IGF2R: variants seen among roughly 807,000 people sequenced by gnomAD.
IGF2R encodes the protein cation-independent mannose-6-phosphate receptor.
In IGF2R, 91 loss-of-function variants were observed where a neutral mutation model predicts 270.6. The observed-to-expected ratio is 0.34, with a 90% CI of 0.28 to 0.40. The LOEUF is 0.40. Among genes scored for constraint, IGF2R ranks in the 10% least tolerant of loss-of-function variants. The pLI is 1.00. For synonymous variants in IGF2R, 1,316 were observed against 1,258.9 expected (o/e 1.05, Z -0.96); for missense variants, 2,805 against 3,188.3 (o/e 0.88, Z 2.90).
At chr6:160,082,402 T>G (rs1168585119) in intron 39 of IGF2R, among the ~76,000 whole-genome samples, 2 of 151,952 alleles carry the variant, frequency 1.3e-5, no homozygotes, top group Non-Finnish European at 2.9e-5. Flanking sequence ...CTCCACCTTC[T>G]GGTTTCAAGT....
rs1018194928 is a variant in IGF2R at position 160,032,560 on chromosome 6, C to T, written c.892C>T (p.Pro298Ser). The T allele has an allele frequency of 3.7e-6, 6 of 1,613,702 alleles. No homozygotes were observed. The African/African-American group carries it at 8.0e-5, about 22-fold the overall frequency. The change falls in exon 8 of 48, where the codon CCC (proline) becomes TCC (serine). Residue 298 changes from proline (P) to serine (S), a missense_variant. This residue lies in a region of IGF2R where 954 missense variants were observed against 981.1 expected (regional missense o/e 0.97). Coordinates refer to ENST00000356956, the MANE Select transcript of IGF2R (RefSeq NM_000876.4). ...ACATTGTTCCTGATAGGGCACCATTCCCAAACTCACAGCTAAATCCAACTG... is the reference window on the plus strand; with the variant it reads ...ACATTGTTCCTGATAGGGCACCATTTCCAAACTCACAGCTAAATCCAACTG... ...CPSERREGTI[P>S]KLTAKSNCRY... is the part of the protein sequence containing the mutation.
chr6:160,045,753 G>C lies in IGF2R; in HGVS notation c.1774G>C (p.Glu592Gln). The C allele has an allele frequency of 6.2e-7, 1 of 1,614,152 alleles. No homozygotes were observed. Reference protein sequence around the residue: ...ITLVCKPGDLESAPVLRTSGE... With the variant: ...ITLVCKPGDLQSAPVLRTSGE... ...CTTTTCCCCATTGACAGGTGATCTG[G>C]AAAGTGCACCAGTGTTGAGAACTTC... The change falls in exon 14 of 48, where the codon GAA becomes CAA. Residue 592 changes from glutamate (E) to glutamine (Q), a missense_variant. This residue lies in a region of IGF2R where 954 missense variants were observed against 981.1 expected (regional missense o/e 0.97). Transcript: ENST00000356956.
intron 1 of IGF2R, among the ~76,000 whole-genome samples, chr6:159,989,438 T>C (rs1783943439): frequency 6.6e-6 from 1 of 152,130 alleles, no homozygotes; most frequent in Non-Finnish European, 1.5e-5. Flanking sequence ...GAGTACTGCA[T>C]AGGGTGAATA....
chr6:160,022,884 G>A (rs1390787688), intron 4 of IGF2R, among the ~76,000 whole-genome samples: 3 of 151,778 alleles, frequency 2.0e-5, no homozygotes, highest in Non-Finnish European at 4.4e-5. Flanking sequence ...TGTATATTTG[G>A]GTAAGCACAT....
rs565255337 is a variant in IGF2R at position 160,080,846 on chromosome 6, G to A, written c.5833+571G>A. On this transcript the variant is annotated intron_variant, in intron 39 of 47. Coordinates refer to ENST00000356956, the MANE Select transcript of IGF2R (RefSeq NM_000876.4). The stretch of plus-strand genomic sequence containing the variant: ...AAATTACTAATTTTTGGCCAGGCGC[G>A]GTGGCTCACGCCTGTAATCCCAGCA... Among the ~76,000 whole-genome samples, 98 of 152,152 alleles carry A rather than the reference G, an allele frequency of 6.4e-4. 1 individual carries two copies. Among genetic ancestry groups the A allele is most frequent in the Non-Finnish European group, 1.2e-3 (79 of 67,998 alleles).
At chr6:160,048,257 G>C in intron 17 of IGF2R, 118 bp from the exon 18 acceptor site, 2 of 963,668 alleles carry the variant, frequency 2.1e-6, no homozygotes, top group Admixed American at 2.1e-5. Flanking sequence ...ACTCCTGGTA[G>C]TGTGATTGGT....
At position 160,010,404 on chromosome 6, in the gene IGF2R, A is replaced by T. The variant is rs8191740; in HGVS notation, c.415-283A>T. 8.8e-3 allele frequency: 2,346 copies of T among 266,796 alleles called. 55 individuals are homozygous for T. The highest frequency in any genetic ancestry group is 0.048 in the African/African-American group (2,166 of 45,238). 16.5% of individuals were successfully genotyped at this position (266,796 alleles called of 1,614,324 possible). ...GAGTTTGAGAGGAGAATGACTGAGG[A>T]TTTCTTCCCATGAACTCACTCAATG... On this transcript the variant is annotated intron_variant, in intron 3 of 47. Transcript: ENST00000356956.
intron 44 of IGF2R, among the ~76,000 whole-genome samples, chr6:160,091,815 A>T (rs143270136): frequency 0.015 from 2,220 of 152,350 alleles, 167 homozygotes; most frequent in Admixed American, 0.12. Flanking sequence ...GGGCCCTATC[A>T]TGCAGAGAAG....
intron 7 of IGF2R, among the ~76,000 whole-genome samples, chr6:160,030,194 T>G (rs1203798017): frequency 2.0e-5 from 3 of 152,212 alleles, no homozygotes; most frequent in Admixed American, 6.5e-5. Flanking sequence ...GTGTGGCTGC[T>G]GAGACTTACT....
intron 1 of IGF2R, 81 bp downstream of exon 1, chr6:159,969,476 G>A: frequency 9.7e-6 from 10 of 1,035,202 alleles, no homozygotes; most frequent in Non-Finnish European, 1.2e-5. Context: ...AGCGCTCGAG[G>A]AGCTCCTGGG....
At chr6:159,993,974 C>T (rs1221101843) in intron 2 of IGF2R, among the ~76,000 whole-genome samples, 1 of 145,996 alleles carries the variant, frequency 6.8e-6, no homozygotes, top group African/African-American at 2.5e-5. Flanking sequence ...GGGAGGATTC[C>T]CTCCAACTTG....
At chr6:159,969,837 C>T (rs1041608635) in intron 1 of IGF2R, among the ~76,000 whole-genome samples, 1 of 152,190 alleles carries the variant, frequency 6.6e-6, no homozygotes, top group Non-Finnish European at 1.5e-5. Context: ...TGTGGAGAGG[C>T]TCACCGGGGC....
intron 3 of IGF2R, chr6:160,010,333 C>T (rs564012710): frequency 3.4e-5 from 6 of 175,306 alleles, no homozygotes; most frequent in African/African-American, 7.1e-5. Context: ...CATGAGGTCA[C>T]GTTTTCTGGC....
intron 30 of IGF2R, among the ~76,000 whole-genome samples, chr6:160,068,645 T>A (rs1778645769): frequency 6.6e-6 from 1 of 151,488 alleles, no homozygotes; most frequent in African/African-American, 2.4e-5. Context: ...GACCTCCTCA[T>A]GGGGTGGTGG....
At chr6:160,049,869 G>C (rs902567441) in intron 18 of IGF2R, among the ~76,000 whole-genome samples, 1 of 152,194 alleles carries the variant, frequency 6.6e-6, no homozygotes, top group Admixed American at 6.5e-5. Flanking sequence ...GGGGATTACA[G>C]CCGAGAAAGA....
At chr6:160,053,079 A>G (rs1356190857) in intron 19 of IGF2R, among the ~76,000 whole-genome samples, 1 of 152,240 alleles carries the variant, frequency 6.6e-6, no homozygotes, top group Non-Finnish European at 1.5e-5. Flanking sequence ...AGAATAGACA[A>G]ATGGGATCTA....
At chr6:160,085,490 C>T (rs755150500) in intron 41 of IGF2R, among the ~76,000 whole-genome samples, 1 of 152,166 alleles carries the variant, frequency 6.6e-6, no homozygotes, top group Non-Finnish European at 1.5e-5. Context: ...TTAGGAAAGC[C>T]AAACAGTTGC....
chr6:160,057,747 G>T (rs972526743), intron 20 of IGF2R, among the ~76,000 whole-genome samples: 1 of 152,182 alleles, frequency 6.6e-6, no homozygotes, highest in Non-Finnish European at 1.5e-5. Context: ...TCCAACTTTA[G>T]GGAGTAGCAA....
intron 18 of IGF2R, among the ~76,000 whole-genome samples, chr6:160,049,080 C>G (rs1006982408): frequency 1.3e-5 from 2 of 152,096 alleles, no homozygotes; most frequent in African/African-American, 4.8e-5. Context: ...TCTGTATTGG[C>G]TTCTGTAAAA....
Sources: allele counts gnomAD v4.1 joint callset (sites outside exome capture counted in the v4.1 genomes callset), GRCh38; gene constraint gnomAD v4.1.1; regional missense constraint gnomAD v4.1.1; transcripts MANE v1.5; gene names NCBI Gene and HGNC (gene_info 2026-07-23, HGNC 2026-07-21).